ASIC2: variants seen among roughly 807,000 people sequenced by gnomAD.
ASIC2 encodes acid sensing ion channel subunit 2, also known as acid-sensing ion channel 2.
ASIC2 carries 25 observed loss-of-function variants against 57.3 expected under a neutral mutation model. The ratio of observed to expected loss-of-function variants is 0.44; its 90% CI spans 0.32 to 0.61. The LOEUF (loss-of-function observed/expected upper bound fraction) is 0.61, where lower values mean the gene tolerates loss of function less well. ASIC2 is among the 20% of genes least tolerant of loss of function. The pLI is 0.06. For synonymous variants in ASIC2, 319 were observed against 307.5 expected, an observed-to-expected ratio of 1.04 and a Z score of -0.39; for missense variants, 641 against 738.1, an observed-to-expected ratio of 0.87 and a Z score of 1.52.
chr17:33,661,039 T>A lies in ASIC2; in HGVS notation c.555+494939A>T, dbSNP rs534051108. Among the ~76,000 whole-genome samples the A allele has an allele frequency of 1.1e-3, 162 of 152,320 alleles. 1 individual carries two copies. The highest frequency in any genetic ancestry group is 3.8e-3 in the African/African-American group (159 of 41,564). On this transcript the variant is annotated intron_variant, in intron 1 of 9. Transcript: ENST00000359872. The stretch of plus-strand genomic sequence containing the variant: ...TGTTGGAGATTTTCCAGCTAGACTC[T>A]GCTAGCCACGCTCTGACTCTGTTTG...
chr17:33,482,375 C>T (rs1354122741), intron 1 of ASIC2, among the ~76,000 whole-genome samples: 3 of 152,224 alleles, frequency 2.0e-5, no homozygotes, highest in African/African-American at 7.2e-5. Flanking sequence ...TAACAGCTCA[C>T]TTGATTTCTG....
intron 1 of ASIC2, among the ~76,000 whole-genome samples, chr17:33,702,158 C>A (rs1908723324): frequency 6.6e-6 from 1 of 152,200 alleles, no homozygotes; most frequent in African/African-American, 2.4e-5. Context: ...GGCTTTGAAG[C>A]ATACTCGCTT....
At position 33,028,245 on chromosome 17, in the gene ASIC2, G is replaced by A; in HGVS notation, c.1135C>T (p.Pro379Ser). The change falls in exon 4 of 10, where the codon CCA (proline) becomes TCA (serine). Residue 379 changes from proline to serine, a missense_variant. By Grantham distance (74) the Pro-to-Ser change is moderately conservative (BLOSUM62 -1). Transcript: ENST00000225823. ...GCCACCCTGCCCTGGCACTGACCTG[G>A]CATGTGAACCATGCGGCAGTTGCAG... is the stretch of plus-strand genomic sequence containing the variant. The part of the protein sequence containing the change: ...ENCNCRMVHM[P>S]GDAPFCTPEQ... The A allele has an allele frequency of 6.2e-7, 1 of 1,613,960 alleles. No homozygotes were observed. Among genetic ancestry groups the A allele is most frequent in the Non-Finnish European group, 8.5e-7 (1 of 1,180,000 alleles).
chr17:33,781,896 C>A (rs1466730765), intron 1 of ASIC2, among the ~76,000 whole-genome samples: 1 of 152,182 alleles, frequency 6.6e-6, no homozygotes, highest in Non-Finnish European at 1.5e-5. Flanking sequence ...GTAGATATAA[C>A]TTGAGTGCCT....
intron 1 of ASIC2, among the ~76,000 whole-genome samples, chr17:33,415,065 G>T (rs1351889061): frequency 6.6e-6 from 1 of 152,176 alleles, no homozygotes; most frequent in Non-Finnish European, 1.5e-5. Context: ...CACCCTGTGG[G>T]GACATGGATA....
chr17:33,776,612 GC>G (rs956476968), intron 1 of ASIC2, among the ~76,000 whole-genome samples: 1 of 152,166 alleles, frequency 6.6e-6, no homozygotes, highest in Non-Finnish European at 1.5e-5. Context: ...CCCACACCTG[GC>G]CCTCTGTGAA....
Position 33,021,132 on chromosome 17 carries a change from T to C in ASIC2, c.1441+87A>G, listed in dbSNP as rs2091833586. The C allele has an allele frequency of 1.7e-5, 17 of 983,608 alleles. No individual in the cohort carries two copies. In the South Asian group the frequency reaches 2.6e-4, roughly 15 times the overall value. 60.9% of individuals were successfully genotyped at this position (983,608 alleles called of 1,614,324 possible). On this transcript the variant is annotated intron_variant, in intron 7 of 9. Coordinates refer to ENST00000225823, the MANE Select transcript of ASIC2 (RefSeq NM_183377.2). ...AGACTCCTCCGAGGCTATGTGTCTG[T>C]CTGCTTGCCTCCCATCCACCTGTGC...
At position 34,011,033 on chromosome 17, in the gene ASIC2, G is replaced by GCACA. The variant is rs1555580928; in HGVS notation, c.555+144941_555+144944dup. On this transcript the variant is annotated intron_variant, in intron 1 of 9. Transcript: ENST00000359872. ...ACACAGATGCCAAAGTCAGACACAT[G>GCACA]CACACACACACACACACACACAGAC... 7.1e-4 allele frequency among the ~76,000 whole-genome samples: 2 copies of GCACA among 2,828 alleles called. 1 individual carries two copies. Among genetic ancestry groups the GCACA allele is most frequent in the East Asian group, 0.017 (2 of 120 alleles). The allele number at this position is 2,828 out of a possible 152,430, so 1.9% of individuals were successfully genotyped here.
intron 1 of ASIC2, among the ~76,000 whole-genome samples, chr17:34,139,069 C>T (rs575340790): frequency 3.2e-4 from 48 of 152,282 alleles, no homozygotes; most frequent in Admixed American, 7.2e-4. Flanking sequence ...ATTACTGATT[C>T]AGGTTCAAAT....
intron 1 of ASIC2, among the ~76,000 whole-genome samples, chr17:34,022,652 AC>A (rs1907222020): frequency 6.6e-6 from 1 of 151,680 alleles, no homozygotes; most frequent in South Asian, 2.1e-4. Context: ...AAAAAAAAAA[AC>A]AAAAAAACAG....
At chr17:33,956,296 G>T (rs1427585334) in intron 1 of ASIC2, among the ~76,000 whole-genome samples, 1 of 152,202 alleles carries the variant, frequency 6.6e-6, no homozygotes, top group African/African-American at 2.4e-5. Context: ...TGTATCTCAA[G>T]AATTGACCTG....
At chr17:33,089,110 C>T in intron 2 of ASIC2, 120 bp from the exon 3 acceptor site, 2 of 1,327,340 alleles carry the variant, frequency 1.5e-6, no homozygotes, top group Non-Finnish European at 2.0e-6. Flanking sequence ...ATAATGGCCC[C>T]CAAAGGTGTC....
At chr17:33,815,162 C>A (rs906981304) in intron 1 of ASIC2, among the ~76,000 whole-genome samples, 5 of 152,086 alleles carry the variant, frequency 3.3e-5, no homozygotes, top group Non-Finnish European at 7.4e-5. Flanking sequence ...GGCCTCAGTT[C>A]CCATCTTTAA....
intron 3 of ASIC2, among the ~76,000 whole-genome samples, chr17:33,041,927 C>T (rs2141918416): frequency 6.6e-6 from 1 of 152,266 alleles, no homozygotes; most frequent in South Asian, 2.1e-4. Flanking sequence ...GTGAGGTCCC[C>T]CTGTTTCTAA....
intron 1 of ASIC2, among the ~76,000 whole-genome samples, chr17:33,737,876 G>A (rs1909969740): frequency 6.6e-6 from 1 of 152,162 alleles, no homozygotes; most frequent in Non-Finnish European, 1.5e-5. Flanking sequence ...CTGCAATCCA[G>A]TTGGATATGG....
At chr17:33,969,495 T>A (rs1905163844) in intron 1 of ASIC2, among the ~76,000 whole-genome samples, 2 of 152,076 alleles carry the variant, frequency 1.3e-5, no homozygotes, top group Admixed American at 1.3e-4. Flanking sequence ...TGCAAGGTGG[T>A]CCCAAGTGAC....
At chr17:33,499,050 C>T (rs1406786807) in intron 1 of ASIC2, among the ~76,000 whole-genome samples, 3 of 152,172 alleles carry the variant, frequency 2.0e-5, no homozygotes, top group Non-Finnish European at 4.4e-5. Flanking sequence ...GTTGAAAACC[C>T]AAGTGAAAAT....
chr17:33,237,490 A>G (rs1423040994), intron 1 of ASIC2, among the ~76,000 whole-genome samples: 1 of 152,080 alleles, frequency 6.6e-6, no homozygotes, highest in Non-Finnish European at 1.5e-5. Context: ...AGCTGGGATT[A>G]CAGGCATACA....
At chr17:33,418,349 TA>T (rs1203923321) in intron 1 of ASIC2, among the ~76,000 whole-genome samples, 1 of 151,906 alleles carries the variant, frequency 6.6e-6, no homozygotes, top group East Asian at 1.9e-4. Flanking sequence ...CCTTGAAAAA[TA>T]AAGTTGTGCT....
Sources: gnomAD v4.1 joint callset for allele counts (sites outside exome capture counted in the v4.1 genomes callset) on GRCh38, gnomAD v4.1.1 for gene constraint, MANE v1.5 for transcripts, NCBI Gene and HGNC (gene_info 2026-07-23, HGNC 2026-07-21) for gene names.